FRYL: variants seen among roughly 807,000 people sequenced by gnomAD.
FRYL encodes the protein FRY like transcription coactivator.
A neutral mutation model predicts 351.2 loss-of-function variants in FRYL; 150 were observed. The ratio of observed to expected loss-of-function variants is 0.43; its 90% CI spans 0.37 to 0.49. FRYL has a LOEUF of 0.49. Among genes scored for constraint, FRYL ranks in the 20% least tolerant of loss-of-function variants. The pLI, the probability that FRYL is intolerant of heterozygous loss-of-function variation, is 0.00. For synonymous variants in FRYL, 1,153 were observed against 1,257.1 expected (o/e 0.92, Z 1.75); for missense variants, 3,036 against 3,619.3 (o/e 0.84, Z 4.13).
At chr4:48,764,242 A>C (rs146828147) in intron 1 of FRYL, among the ~76,000 whole-genome samples, 1 of 152,268 alleles carries the variant, frequency 6.6e-6, no homozygotes, top group Non-Finnish European at 1.5e-5. Flanking sequence ...ACACAAATTA[A>C]TTGAAGCCAG....
At chr4:48,547,955 T>C (rs1265053715) in intron 40 of FRYL, among the ~76,000 whole-genome samples, 186 bp from the exon 41 acceptor site, 1 of 152,178 alleles carries the variant, frequency 6.6e-6, no homozygotes, top group Non-Finnish European at 1.5e-5. Context: ...CTTATAGTAC[T>C]AGGGAGACTC....
In FRYL at chr4:48,527,795, T is replaced by C; in HGVS notation, c.7141-142A>G. 1.0e-5 allele frequency: 10 copies of C among 1,002,180 alleles called. No homozygotes were observed. In the South Asian group the frequency reaches 1.7e-4, roughly 17 times the overall value. 62.1% of individuals were successfully genotyped at this position (1,002,180 alleles called of 1,614,324 possible). A position where few individuals can be genotyped will look rare whatever the true frequency, so the allele number is the denominator to read the frequency against. ...AAATTTGGTCTTCATGTTTAACTAG[T>C]TGAACACATAGTTAGCATGGCTGCC... On this transcript the variant is annotated intron_variant, in intron 52 of 63. Coordinates refer to ENST00000358350, the MANE Select transcript of FRYL (RefSeq NM_015030.2).
chr4:48,510,906 T>C lies in FRYL; in HGVS notation c.8224A>G (p.Lys2742Glu). The stretch of plus-strand genomic sequence containing the variant: ...ATCACTTCCAAGGAACTTTTAAATT[T>C]GGTACCAATGCGTTGCAGACTATCA... ...LGDSLQRIGTKFKSSLEVMML... is the reference protein window; with the variant it reads ...LGDSLQRIGTEFKSSLEVMML... Residue 2742 changes from lysine to glutamate, a missense_variant, in exon 58 of 64, where the codon AAA (lysine) becomes GAA (glutamate). Lys to Glu is a moderately conservative substitution (Grantham distance 56, BLOSUM62 1). Transcript: ENST00000358350. 1 of 1,612,734 alleles carries C rather than the reference T, an allele frequency of 6.2e-7. No individual in the cohort carries two copies. The highest frequency in any genetic ancestry group is 8.5e-7 in the Non-Finnish European group (1 of 1,178,928).
intron 2 of FRYL, among the ~76,000 whole-genome samples, chr4:48,690,392 T>C (rs1327105205): frequency 6.6e-6 from 1 of 152,134 alleles, no homozygotes; most frequent in Non-Finnish European, 1.5e-5. Context: ...CCAACCCTAA[T>C]GTATTCAGTG....
intron 3 of FRYL, among the ~76,000 whole-genome samples, chr4:48,656,360 T>TTATATAATATATACTAAA (rs1341782304): frequency 2.5e-4 from 34 of 133,854 alleles, no homozygotes; most frequent in South Asian, 6.9e-4. Context: ...ACTAAATATA[T>TTATATAATATATACTAAA]TATATAATAT....
chr4:48,540,176 C>T, intron 46 of FRYL, 108 bp from the exon 47 acceptor site: 1 of 1,142,622 alleles, frequency 8.8e-7, no homozygotes, highest in Non-Finnish European at 1.2e-6. Flanking sequence ...TTTTCATTTC[C>T]TGGGATATTC....
At chr4:48,609,871 T>C in intron 7 of FRYL, 48 bp from the exon 8 acceptor site, 1 of 980,146 alleles carries the variant, frequency 1.0e-6, no homozygotes, top group Admixed American at 2.1e-5. Context: ...ATTGGTTTTT[T>C]ATGAGTATTC....
intron 13 of FRYL, 88 bp from the exon 14 acceptor site, chr4:48,596,088 A>G (rs549077241): frequency 1.8e-5 from 15 of 845,634 alleles, no homozygotes; most frequent in Non-Finnish European, 2.6e-5. Flanking sequence ...CTAAAAGCCA[A>G]TCTTTTTTGT....
chr4:48,666,998 T>C (rs184261625), intron 3 of FRYL, among the ~76,000 whole-genome samples: 24 of 152,364 alleles, frequency 1.6e-4, no homozygotes, highest in African/African-American at 5.1e-4. Flanking sequence ...AAGTCAGTGA[T>C]GGCATGTTTG....
At position 48,544,882 on chromosome 4, in the gene FRYL, G is replaced by T; in HGVS notation, c.5302C>A (p.His1768Asn). ...TSRKRGPLWN[H>N]EDVSAKNPSI... is the part of the protein sequence containing the mutation. The stretch of plus-strand genomic sequence containing the variant: ...GGATTCTTGGCAGAAACATCCTCAT[G>T]GTTCCAAAGGGGCCCTCTTTTTCTG... Residue 1768 changes from histidine to asparagine, a missense_variant, in exon 43 of 64, where the codon CAT becomes AAT. His to Asn is a moderately conservative substitution (Grantham distance 68, BLOSUM62 1). Coordinates refer to ENST00000358350, the MANE Select transcript of FRYL (RefSeq NM_015030.2). The T allele has an allele frequency of 6.2e-7, 1 of 1,602,974 alleles. No homozygotes were observed. The highest frequency in any genetic ancestry group is 1.3e-5 in the African/African-American group (1 of 74,222).
intron 3 of FRYL, among the ~76,000 whole-genome samples, chr4:48,677,717 A>G (rs946402439): frequency 3.3e-5 from 5 of 152,222 alleles, no homozygotes; most frequent in African/African-American, 1.2e-4. Flanking sequence ...GCCCGAAAAA[A>G]TAACTTTTTA....
At chr4:48,626,160 T>C (rs944105570) in intron 4 of FRYL, among the ~76,000 whole-genome samples, 1 of 152,100 alleles carries the variant, frequency 6.6e-6, no homozygotes, top group African/African-American at 2.4e-5. Flanking sequence ...AATAACAATA[T>C]ACCTCAACAA....
At chr4:48,504,026 C>A (rs1720335122) in intron 60 of FRYL, among the ~76,000 whole-genome samples, 1 of 152,018 alleles carries the variant, frequency 6.6e-6, no homozygotes, top group South Asian at 2.1e-4. Context: ...AGTTTATGAT[C>A]GTAGGAAATA....
chr4:48,569,900 T>C (rs1737875934), intron 27 of FRYL, among the ~76,000 whole-genome samples: 1 of 152,172 alleles, frequency 6.6e-6, no homozygotes, highest in Admixed American at 6.5e-5. Context: ...GTAACCTCAA[T>C]GTCCTGGGCT....
chr4:48,554,395 G>A (rs1376188088), intron 35 of FRYL, among the ~76,000 whole-genome samples: 1 of 151,456 alleles, frequency 6.6e-6, no homozygotes, highest in Non-Finnish European at 1.5e-5. Flanking sequence ...CTAGAGTGCA[G>A]TGGCACCATC....
intron 1 of FRYL, among the ~76,000 whole-genome samples, chr4:48,778,508 G>A (rs1267502156): frequency 6.6e-6 from 1 of 152,196 alleles, no homozygotes; most frequent in Non-Finnish European, 1.5e-5. Context: ...TTATACGGTT[G>A]TAACTTGCAC....
intron 47 of FRYL, among the ~76,000 whole-genome samples, chr4:48,537,088 A>G: frequency 6.6e-6 from 1 of 152,194 alleles, no homozygotes; most frequent in South Asian, 2.1e-4. Context: ...GCATTTCAAA[A>G]TATAATAATT....
chr4:48,757,414 G>A (rs1221876466), intron 1 of FRYL, among the ~76,000 whole-genome samples: 3 of 152,104 alleles, frequency 2.0e-5, no homozygotes, highest in Admixed American at 2.0e-4. Flanking sequence ...AAATCAATGG[G>A]CAAAAATCAC....
In FRYL at chr4:48,590,226, T is replaced by C. The variant is rs1742956815; in HGVS notation, c.1508-349A>G. ...GGCTGAGCATGGTGGCTCACGTCTGTAATCCCAGCACTTTGGGAGGCTGAG... is the reference window on the plus strand; with the variant it reads ...GGCTGAGCATGGTGGCTCACGTCTGCAATCCCAGCACTTTGGGAGGCTGAG... On this transcript the variant is annotated intron_variant, in intron 17 of 63. Transcript: ENST00000358350. 2.6e-5 allele frequency among the ~76,000 whole-genome samples: 4 copies of C among 152,200 alleles called. No individual in the cohort carries two copies. In the South Asian group the frequency reaches 8.3e-4, roughly 31 times the overall value.
Sources: gnomAD v4.1 joint callset for allele counts (sites outside exome capture counted in the v4.1 genomes callset) on GRCh38, gnomAD v4.1.1 for gene constraint, MANE v1.5 for transcripts, NCBI Gene and HGNC (gene_info 2026-07-23, HGNC 2026-07-21) for gene names.